The following KAZN variants were observed in gnomAD, a reference collection of about 807,000 sequenced individuals.
The protein encoded by KAZN is kazrin, periplakin interacting protein, also known as kazrin.
A neutral mutation model predicts 87.4 loss-of-function variants in KAZN; 40 were observed. The observed-to-expected ratio is 0.46, with a 90% CI of 0.36 to 0.60. The LOEUF is 0.60. KAZN is among the 20% of genes least tolerant of loss of function. KAZN has a pLI of 0.00. For missense variants in KAZN, 898 were observed against 1,073.9 expected, an observed-to-expected ratio of 0.84 and a Z score of 2.29; for synonymous variants, 466 against 458.3, an observed-to-expected ratio of 1.02 and a Z score of -0.22.
intron 1 of KAZN, among the ~76,000 whole-genome samples, chr1:13,915,107 G>A (rs973376805): frequency 1.3e-5 from 2 of 152,180 alleles, no homozygotes; most frequent in African/African-American, 2.4e-5. Context: ...GTACACACAT[G>A]CATGTGTATA....
chr1:13,973,945 C>A (rs1437869379), intron 1 of KAZN, among the ~76,000 whole-genome samples: 1 of 152,202 alleles, frequency 6.6e-6, no homozygotes, highest in African/African-American at 2.4e-5. Context: ...TAAGACTATG[C>A]ATATCGTCAT....
intron 1 of KAZN, among the ~76,000 whole-genome samples, chr1:14,639,156 T>A (rs569675911): frequency 1.3e-5 from 2 of 152,230 alleles, no homozygotes; most frequent in African/African-American, 4.8e-5. Flanking sequence ...CCCAAATCCA[T>A]GGACCCCAGA....
At chr1:15,083,528 G>T (rs552553297) in intron 8 of KAZN, among the ~76,000 whole-genome samples, 1 of 152,306 alleles carries the variant, frequency 6.6e-6, no homozygotes, top group South Asian at 2.1e-4. Flanking sequence ...GAATGAATAT[G>T]CAGGCACTGT....
intron 1 of KAZN, among the ~76,000 whole-genome samples, chr1:14,045,365 G>A (rs556835891): frequency 6.6e-6 from 1 of 152,234 alleles, no homozygotes; most frequent in Admixed American, 6.5e-5. Flanking sequence ...AGTGTGGTGT[G>A]AGAGTTAAAA....
chr1:14,515,830 TCTC>T (rs1422581684), intron 2 of KAZN, among the ~76,000 whole-genome samples: 3 of 152,182 alleles, frequency 2.0e-5, no homozygotes, highest in East Asian at 3.9e-4. Flanking sequence ...GGTTCTTACT[TCTC>T]CTGGAAATGC....
At chr1:14,206,011 T>C (rs1356150145) in intron 2 of KAZN, among the ~76,000 whole-genome samples, 4 of 150,856 alleles carry the variant, frequency 2.7e-5, no homozygotes, top group Non-Finnish European at 5.9e-5. Context: ...CCCTAAAACT[T>C]AAAGTATAAT....
chr1:14,076,205 C>T (rs561180864), intron 1 of KAZN, among the ~76,000 whole-genome samples: 208 of 152,042 alleles, frequency 1.4e-3, no homozygotes, highest in Middle Eastern at 6.8e-3. Context: ...GGCGTGAACC[C>T]GGGAGGTGGA....
At chr1:14,249,143 A>G (rs1336943578) in intron 2 of KAZN, among the ~76,000 whole-genome samples, 5 of 152,198 alleles carry the variant, frequency 3.3e-5, no homozygotes, top group Non-Finnish European at 5.9e-5. Flanking sequence ...TGCTGTTTCT[A>G]AATTCCTGAC....
At chr1:15,110,401 CTG>C (rs919189008) in intron 13 of KAZN, among the ~76,000 whole-genome samples, 7 of 85,126 alleles carry the variant, frequency 8.2e-5, no homozygotes, top group African/African-American at 2.7e-4. Context: ...TTGTGTGTGT[CTG>C]TGTATTTGTG....
intron 1 of KAZN, among the ~76,000 whole-genome samples, chr1:14,818,760 G>A (rs1557521534): frequency 6.6e-6 from 1 of 152,168 alleles, no homozygotes; most frequent in Non-Finnish European, 1.5e-5. Flanking sequence ...GATGTTGAGA[G>A]TCGAACTGAA....
At chr1:14,305,695 T>C (rs1398095621) in intron 2 of KAZN, among the ~76,000 whole-genome samples, 7 of 148,914 alleles carry the variant, frequency 4.7e-5, no homozygotes, top group African/African-American at 1.8e-4. Context: ...TTCATGACAC[T>C]TTCACTGATC....
At chr1:13,930,303 T>C (rs1195460484) in intron 1 of KAZN, among the ~76,000 whole-genome samples, 6 of 152,184 alleles carry the variant, frequency 3.9e-5, no homozygotes, top group Admixed American at 3.9e-4. Flanking sequence ...AAGCTGCTTC[T>C]CCATGCAGTA....
rs372615478 is a variant in KAZN, at chr1:14,310,505, G to A, written c.249+129913G>A. 3.9e-5 allele frequency among the ~76,000 whole-genome samples: 6 copies of A among 152,042 alleles called. No individual in the cohort carries two copies. The South Asian group carries it at 8.3e-4, about 21-fold the overall frequency. On this transcript the variant is annotated intron_variant, in intron 2 of 16. Transcript: ENST00000636203. ...TATTGGTTCCGTGGAAAACACACAC[G>A]CCCACGCATTGCCTACCTCACTGAT...
intron 2 of KAZN, among the ~76,000 whole-genome samples, chr1:14,247,597 TAGAC>T (rs1649631855): frequency 6.6e-6 from 1 of 152,190 alleles, no homozygotes; most frequent in African/African-American, 2.4e-5. Flanking sequence ...AGGAAATGGG[TAGAC>T]CAATAGGTAA....
At chr1:14,006,226 G>T (rs1293594519) in intron 1 of KAZN, among the ~76,000 whole-genome samples, 1 of 152,060 alleles carries the variant, frequency 6.6e-6, no homozygotes, top group African/African-American at 2.4e-5. Flanking sequence ...GTTTTGCATT[G>T]CTATAAAGGA....
intron 1 of KAZN, among the ~76,000 whole-genome samples, chr1:14,024,473 A>G (rs1640982440): frequency 6.6e-6 from 1 of 152,254 alleles, no homozygotes; most frequent in African/African-American, 2.4e-5. Context: ...TTCTTTTAAA[A>G]ATAATTTGCT....
intron 1 of KAZN, among the ~76,000 whole-genome samples, chr1:13,957,587 C>T (rs1462560455): frequency 6.6e-6 from 1 of 152,112 alleles, no homozygotes; most frequent in Non-Finnish European, 1.5e-5. Context: ...TGGGCATCTG[C>T]ATCTGGTGAG....
chr1:14,364,087 G>A (rs949809983), intron 2 of KAZN, among the ~76,000 whole-genome samples: 6 of 151,992 alleles, frequency 3.9e-5, no homozygotes, highest in African/African-American at 7.2e-5. Context: ...TAGGAACTGC[G>A]TTGTGTTAAG....
chr1:14,044,943 A>C (rs964322220), intron 1 of KAZN, among the ~76,000 whole-genome samples: 1 of 152,124 alleles, frequency 6.6e-6, no homozygotes, highest in Non-Finnish European at 1.5e-5. Flanking sequence ...TCTGGGGAAA[A>C]CCAGTAGCCA....
Sources: gnomAD v4.1 joint callset for allele counts (sites outside exome capture counted in the v4.1 genomes callset) on GRCh38, gnomAD v4.1.1 for gene constraint, MANE v1.5 for transcripts, NCBI Gene and HGNC (gene_info 2026-07-23, HGNC 2026-07-21) for gene names.